OSBPL1A: variants seen among roughly 807,000 people sequenced by gnomAD.
OSBPL1A encodes the protein oxysterol binding protein like 1A.
A neutral mutation model predicts 137.1 loss-of-function variants in OSBPL1A; 80 were observed. The ratio of observed to expected loss-of-function variants is 0.58; its 90% CI spans 0.49 to 0.70. The LOEUF (loss-of-function observed/expected upper bound fraction) is 0.70, where lower values mean the gene tolerates loss of function less well. Ranked by LOEUF, OSBPL1A falls within the 30% of genes least tolerant of loss-of-function variation. The pLI is 0.00. For missense variants in OSBPL1A, 970 were observed against 1,129.4 expected, an observed-to-expected ratio of 0.86 and a Z score of 2.02; for synonymous variants, 365 against 389.7, an observed-to-expected ratio of 0.94 and a Z score of 0.75.
chr18:24,393,337 T>C (rs2144291184), intron 1 of OSBPL1A, among the ~76,000 whole-genome samples: 1 of 152,382 alleles, frequency 6.6e-6, no homozygotes, highest in African/African-American at 2.4e-5. Flanking sequence ...ATTCTAGAGC[T>C]GAAGCAACTG....
At chr18:24,346,602 TGTTCTCAAG>T (rs1488873281) in intron 4 of OSBPL1A, among the ~76,000 whole-genome samples, 6 of 152,250 alleles carry the variant, frequency 3.9e-5, no homozygotes, top group Non-Finnish European at 8.8e-5. Context: ...TCAGTTAGCA[TGTTCTCAAG>T]GTTCATTTAT....
intron 7 of OSBPL1A, among the ~76,000 whole-genome samples, chr18:24,325,040 T>G (rs8092193): frequency 0.21 from 31,699 of 148,970 alleles, 3,381 homozygotes; most frequent in African/African-American, 0.25. Flanking sequence ...GAGCCGAGAT[T>G]GCGCCACTGC....
chr18:24,201,519 T>C (rs550797959), intron 17 of OSBPL1A, among the ~76,000 whole-genome samples: 4 of 152,262 alleles, frequency 2.6e-5, no homozygotes, highest in Non-Finnish European at 5.9e-5. Context: ...TCCCAGCACT[T>C]TGGGAGGCCG....
chr18:24,317,031 T>C (rs973729315), intron 11 of OSBPL1A, 118 bp downstream of exon 11: 2 of 1,000,044 alleles, frequency 2.0e-6, no homozygotes, highest in African/African-American at 3.3e-5. Flanking sequence ...ATACAAGTGT[T>C]TTCTACAGCA....
intron 15 of OSBPL1A, 101 bp downstream of exon 15, chr18:24,280,741 T>G (rs2089939373): frequency 1.4e-6 from 1 of 704,592 alleles, no homozygotes; most frequent in Admixed American, 3.8e-5. Flanking sequence ...TAATACTAAT[T>G]TTTTCCTACC....
chr18:24,256,964 C>CAAAAA (rs201880387), intron 15 of OSBPL1A, among the ~76,000 whole-genome samples: 382 of 29,512 alleles, frequency 0.013, 68 homozygotes, highest in Middle Eastern at 0.033. Flanking sequence ...GAAGAGGATG[C>CAAAAA]AAAAAAAAAA....
chr18:24,210,195 G>A (rs545784056), intron 17 of OSBPL1A, among the ~76,000 whole-genome samples: 23 of 152,270 alleles, frequency 1.5e-4, no homozygotes, highest in African/African-American at 4.1e-4. Context: ...GGGAGGCCGA[G>A]GCAGGTGGAT....
chr18:24,315,032 C>T (rs899903776), intron 11 of OSBPL1A, among the ~76,000 whole-genome samples: 4 of 152,126 alleles, frequency 2.6e-5, no homozygotes, highest in Admixed American at 1.3e-4. Flanking sequence ...CAGAAAACAA[C>T]TATAAAACCC....
At chr18:24,183,917 C>G (rs1271170683) in intron 18 of OSBPL1A, among the ~76,000 whole-genome samples, 1 of 152,180 alleles carries the variant, frequency 6.6e-6, no homozygotes, top group East Asian at 1.9e-4. Context: ...AGATTGAGTT[C>G]CACTGCTGGG....
At chr18:24,294,030 G>T (rs2090241642) in intron 14 of OSBPL1A, among the ~76,000 whole-genome samples, 1 of 152,152 alleles carries the variant, frequency 6.6e-6, no homozygotes. Context: ...AGGCTAAATA[G>T]AAGTGCTTTT....
At position 24,386,178 on chromosome 18, in the gene OSBPL1A, G is replaced by A. The variant is rs191650688; in HGVS notation, c.-2-8643C>T. On this transcript the variant is annotated intron_variant, in intron 1 of 27. Transcript: ENST00000319481. The stretch of plus-strand genomic sequence containing the variant: ...GTAGGAGAGAAAAAAAATGGGTCAC[G>A]GGGTCAATACAGTCATAGAGATTGT... Among the ~76,000 whole-genome samples, 28 of 152,202 alleles carry A rather than the reference G, an allele frequency of 1.8e-4. No individual in the cohort carries two copies. In the East Asian group the frequency reaches 4.1e-3, roughly 22 times the overall value.
intron 18 of OSBPL1A, among the ~76,000 whole-genome samples, chr18:24,190,079 A>C (rs902363762): frequency 1.2e-4 from 18 of 152,228 alleles, no homozygotes; most frequent in Admixed American, 3.9e-4. Flanking sequence ...TTAGGAGCTG[A>C]AGAGCTTCAG....
Position 24,271,662 on chromosome 18 carries a change from T to C in OSBPL1A, c.1281+9180A>G. The C allele has an allele frequency of 2.0e-6, 2 of 985,892 alleles. No homozygotes were observed. The highest frequency in any genetic ancestry group is 1.7e-5 in the African/African-American group (1 of 57,364). The allele number at this position is 985,892 out of a possible 1,614,324, so 61.1% of individuals were successfully genotyped here. On this transcript the variant is annotated intron_variant, in intron 15 of 27. Transcript: ENST00000319481. This position sits in a 1 kb window ranked among gnomAD's most constrained non-coding sequence, Gnocchi z 4.0. ...GGACCCCGGCTGGCGCGCTCCACCC[T>C]GCGCTCCTCGCAAGCTCCAGCGCGA...
At chr18:24,389,528 T>C (rs1430878054) in intron 1 of OSBPL1A, among the ~76,000 whole-genome samples, 1 of 152,176 alleles carries the variant, frequency 6.6e-6, no homozygotes, top group East Asian at 1.9e-4. Context: ...AGTTCTGAAA[T>C]ATTGACAAAG....
At chr18:24,381,422 A>G (rs1018330736) in intron 1 of OSBPL1A, among the ~76,000 whole-genome samples, 1 of 152,196 alleles carries the variant, frequency 6.6e-6, no homozygotes, top group Non-Finnish European at 1.5e-5. Context: ...AGATGGACCT[A>G]ACAGAAGGTT....
At chr18:24,324,336 G>A (rs1289683947) in intron 7 of OSBPL1A, among the ~76,000 whole-genome samples, 1 of 62,532 alleles carries the variant, frequency 1.6e-5, no homozygotes, top group Non-Finnish European at 3.2e-5. Context: ...AGTTTTCCTT[G>A]GGCAAAGCTC....
At chr18:24,362,987 G>A (rs1457843900) in intron 4 of OSBPL1A, among the ~76,000 whole-genome samples, 2 of 152,218 alleles carry the variant, frequency 1.3e-5, no homozygotes, top group Admixed American at 1.3e-4. Context: ...GGCAGGCCTG[G>A]CAGTGAAACC....
At chr18:24,313,101 G>A (rs1420164854) in intron 12 of OSBPL1A, among the ~76,000 whole-genome samples, 1 of 150,800 alleles carries the variant, frequency 6.6e-6, no homozygotes, top group Non-Finnish European at 1.5e-5. Flanking sequence ...TCCAGCTTGG[G>A]TGACAGAGCA....
chr18:24,313,633 C>A (rs1195614981), intron 12 of OSBPL1A, among the ~76,000 whole-genome samples: 6 of 152,168 alleles, frequency 3.9e-5, no homozygotes, highest in Non-Finnish European at 7.3e-5. Flanking sequence ...TTCAATCTTA[C>A]AATCTTTAGT....
Sources: allele counts gnomAD v4.1 joint callset (sites outside exome capture counted in the v4.1 genomes callset), GRCh38; gene constraint gnomAD v4.1.1; non-coding constraint Gnocchi (gnomAD v3.1); transcripts MANE v1.5; gene names NCBI Gene and HGNC (gene_info 2026-07-23, HGNC 2026-07-21).